NUMB: variants seen among roughly 807,000 people sequenced by gnomAD.
NUMB encodes NUMB endocytic adaptor protein.
A neutral mutation model predicts 59.7 loss-of-function variants in NUMB; 29 were observed. That is an observed-to-expected ratio of 0.49 (90% CI 0.36 to 0.66). The LOEUF (loss-of-function observed/expected upper bound fraction) is 0.66. Among genes scored for constraint, NUMB ranks in the 30% least tolerant of loss-of-function variants. The probability of loss-of-function intolerance (pLI) is 0.00; values close to 1 mark genes in which losing one functional copy is unlikely to be tolerated. For synonymous variants in NUMB, 288 were observed against 288.2 expected (o/e 1.00, Z 0.01); for missense variants, 723 against 822.0 (o/e 0.88, Z 1.47).
intron 4 of NUMB, among the ~76,000 whole-genome samples, chr14:73,325,529 T>C (rs1396002217): frequency 2.0e-5 from 3 of 152,226 alleles, no homozygotes; most frequent in African/African-American, 7.2e-5. Context: ...AACTGAAGTA[T>C]ACATCCAGGG....
At chr14:73,399,798 C>T (rs1896320233) in intron 2 of NUMB, among the ~76,000 whole-genome samples, 1 of 152,032 alleles carries the variant, frequency 6.6e-6, no homozygotes, top group South Asian at 2.1e-4. Context: ...AATCCCAACA[C>T]TTTGGGAGGC....
At chr14:73,318,625 C>T (rs1891211302) in intron 5 of NUMB, among the ~76,000 whole-genome samples, 1 of 152,180 alleles carries the variant, frequency 6.6e-6, no homozygotes, top group African/African-American at 2.4e-5. Context: ...ATTCCTCACC[C>T]TGTAGCTGAT....
intron 1 of NUMB, among the ~76,000 whole-genome samples, chr14:73,432,214 A>C (rs1307618350): frequency 6.6e-6 from 1 of 152,150 alleles, no homozygotes; most frequent in Non-Finnish European, 1.5e-5. Context: ...TTGAAAGAAT[A>C]ATCAAGATAA....
At position 73,336,744 on chromosome 14, in the gene NUMB, A is replaced by G. The variant is rs142841634; in HGVS notation, c.127-13540T>C. 4.6e-3 allele frequency among the ~76,000 whole-genome samples: 704 copies of G among 152,358 alleles called. 4 individuals carry two copies. Among genetic ancestry groups the G allele is most frequent in the South Asian group, 0.03 (143 of 4,830 alleles). Reference sequence around the variant, plus strand: ...ATTATTACAAGAAAGGAAACTTTACAGGCCAATCTGTCTCAAAAACAGATG... The same window carrying G: ...ATTATTACAAGAAAGGAAACTTTACGGGCCAATCTGTCTCAAAAACAGATG... On this transcript the variant is annotated intron_variant, in intron 4 of 12. Coordinates refer to ENST00000555238, the MANE Select transcript of NUMB (RefSeq NM_001005743.2).
intron 5 of NUMB, among the ~76,000 whole-genome samples, chr14:73,320,018 G>A (rs975831493): frequency 3.3e-5 from 5 of 152,042 alleles, no homozygotes; most frequent in Non-Finnish European, 7.4e-5. Flanking sequence ...TGTAATCCCA[G>A]CTACTCGGGA....
intron 6 of NUMB, among the ~76,000 whole-genome samples, chr14:73,314,556 TG>T (rs969954944): frequency 3.3e-5 from 5 of 152,128 alleles, no homozygotes; most frequent in African/African-American, 4.8e-5. Flanking sequence ...ACCTCAGGAT[TG>T]ATTTTGAGGG....
chr14:73,445,834 C>G (rs1883456773), intron 1 of NUMB, among the ~76,000 whole-genome samples: 2 of 152,130 alleles, frequency 1.3e-5, no homozygotes, highest in Admixed American at 6.5e-5. Flanking sequence ...ATACCACCTC[C>G]TATTAGTTCA....
chr14:73,322,947 T>C (rs1189263017), intron 5 of NUMB, 183 bp downstream of exon 5: 1 of 458,664 alleles, frequency 2.2e-6, no homozygotes, highest in Admixed American at 4.1e-5. Context: ...TGCCTCAGCC[T>C]CCCAAAGTGC....
Position 73,276,909 on chromosome 14 carries a change from G to T in NUMB, c.1625C>A (p.Ala542Glu). ...GGGATGGGCAGCCTGAGGGTGGCCTGCAGTGCCAAATACGTTGGCCACCAT... is the reference window on the plus strand; with the variant it reads ...GGGATGGGCAGCCTGAGGGTGGCCTTCAGTGCCAAATACGTTGGCCACCAT... ...SQMVANVFGT[A>E]GHPQAAHPHQ... The change falls in exon 13 of 13, where the codon GCA (alanine) becomes GAA (glutamate). Residue 542 changes from alanine (A) to glutamate (E), a missense_variant. Ala to Glu is a moderately radical substitution (Grantham distance 107, BLOSUM62 -1). Around this residue, in one of 2 missense-constraint regions of NUMB, gnomAD observed 406 missense variants for 385.4 expected, o/e 1.05. Transcript: ENST00000555238. 1.2e-6 allele frequency: 2 copies of T among 1,614,140 alleles called. No homozygotes were observed. Among genetic ancestry groups the T allele is most frequent in the Non-Finnish European group, 1.7e-6 (2 of 1,180,012 alleles).
intron 6 of NUMB, among the ~76,000 whole-genome samples, chr14:73,303,044 C>G (rs1270267812): frequency 2.0e-5 from 3 of 151,696 alleles, no homozygotes; most frequent in Non-Finnish European, 4.4e-5. Context: ...ATGGCGAAAC[C>G]CCATCTCTAC....
rs760702131 is a variant in NUMB, at chr14:73,279,339, G to A, written c.1182C>T (p.Thr394=). Reference sequence around the variant, plus strand: ...CATCAGGGGCATGGGCCCAAGGGTTGGTTTCACGCACAGGCATTGCTACGG... The same window carrying A: ...CATCAGGGGCATGGGCCCAAGGGTTAGTTTCACGCACAGGCATTGCTACGG... ...LAPVAMPVRE[T]NPWAHAPDAA... Residue 394 remains threonine (T), a synonymous_variant, in exon 12 of 13, where the codon ACC becomes ACT. Transcript: ENST00000555238. The A allele has an allele frequency of 6.2e-7, 1 of 1,613,868 alleles. No homozygotes were observed. The highest frequency in any genetic ancestry group is 1.7e-5 in the Admixed American group (1 of 59,970).
chr14:73,384,246 G>A (rs1220126720), intron 2 of NUMB, among the ~76,000 whole-genome samples: 3 of 150,932 alleles, frequency 2.0e-5, no homozygotes, highest in Admixed American at 6.6e-5. Flanking sequence ...CCACCACCAT[G>A]CCCAGCTAAT....
chr14:73,312,753 T>A (rs1890846027), intron 6 of NUMB, among the ~76,000 whole-genome samples: 1 of 151,390 alleles, frequency 6.6e-6, no homozygotes, highest in Non-Finnish European at 1.5e-5. Flanking sequence ...GAATGCCACT[T>A]CATCCCTAGA....
intron 4 of NUMB, among the ~76,000 whole-genome samples, chr14:73,333,870 CTT>C (rs879658849): frequency 1.4e-5 from 2 of 143,358 alleles, no homozygotes. Context: ...ATTGTTGATC[CTT>C]TTTTTTTTTT....
intron 4 of NUMB, among the ~76,000 whole-genome samples, chr14:73,325,865 A>G (rs1891634646): frequency 6.6e-6 from 1 of 152,188 alleles, no homozygotes; most frequent in Admixed American, 6.5e-5. Flanking sequence ...AAACCCCTGC[A>G]AGAGCCACAC....
At chr14:73,431,202 G>A (rs1221635282) in intron 1 of NUMB, among the ~76,000 whole-genome samples, 3 of 150,694 alleles carry the variant, frequency 2.0e-5, no homozygotes, top group African/African-American at 7.3e-5. Flanking sequence ...TGATCCACCC[G>A]CCTTGGCCTT....
chr14:73,443,595 CAA>C (rs553400027), intron 1 of NUMB, among the ~76,000 whole-genome samples: 25 of 76,734 alleles, frequency 3.3e-4, no homozygotes, highest in Admixed American at 2.9e-4. Context: ...AACTCCATCT[CAA>C]AAAAAAAAAA....
At chr14:73,439,312 T>C (rs1258388195) in intron 1 of NUMB, among the ~76,000 whole-genome samples, 2 of 152,200 alleles carry the variant, frequency 1.3e-5, no homozygotes, top group African/African-American at 4.8e-5. Context: ...AAAAAATGTA[T>C]GCTTTTCCCT....
intron 2 of NUMB, chr14:73,409,048 T>C (rs1018536429): frequency 5.3e-5 from 8 of 152,178 alleles, no homozygotes; most frequent in Non-Finnish European, 1.5e-5. Flanking sequence ...TTTTCATATA[T>C]TACATGTTAT....
Sources: gnomAD v4.1 joint callset for allele counts (sites outside exome capture counted in the v4.1 genomes callset) on GRCh38, gnomAD v4.1.1 for gene constraint, gnomAD v4.1.1 regional missense constraint, MANE v1.5 for transcripts, NCBI Gene and HGNC (gene_info 2026-07-23, HGNC 2026-07-21) for gene names.